Variants in HSD17B12 observed in about 807,000 individuals in gnomAD.
HSD17B12 encodes the protein very-long-chain 3-oxoacyl-CoA reductase.
Under a neutral mutation model 39.3 loss-of-function variants are expected in HSD17B12, and 32 were observed. The ratio of observed to expected loss-of-function variants is 0.81; its 90% confidence interval spans 0.61 to 1.09. The LOEUF is 1.09. HSD17B12 is among the 50% of genes least tolerant of loss of function. The probability of loss-of-function intolerance (pLI) is 0.00; values close to 1 mark genes in which losing one functional copy is unlikely to be tolerated. For missense variants in HSD17B12, 342 were observed against 382.9 expected (o/e 0.89, Z 0.89); for synonymous variants, 150 against 146.7 (o/e 1.02, Z -0.16).
intron 4 of HSD17B12, among the ~76,000 whole-genome samples, chr11:43,807,212 A>G (rs1359799536): frequency 2.6e-5 from 4 of 152,236 alleles, no homozygotes; most frequent in Admixed American, 6.5e-5. Flanking sequence ...TCTGGAAGAT[A>G]GCCATCGAAC....
the HSD17B12 span, among the ~76,000 whole-genome samples, chr11:43,562,142 C>T: frequency 1.3e-5 from 2 of 152,228 alleles, no homozygotes; most frequent in African/African-American, 2.4e-5. Flanking sequence ...TGAGTTGGCT[C>T]ATTTTAAAGC....
At chr11:43,821,860 G>A (rs932886838) in intron 6 of HSD17B12, among the ~76,000 whole-genome samples, 1 of 152,084 alleles carries the variant, frequency 6.6e-6, no homozygotes, top group Non-Finnish European at 1.5e-5. Flanking sequence ...TGCTTTTCTG[G>A]GCCAGATTAT....
the HSD17B12 span, among the ~76,000 whole-genome samples, chr11:43,570,981 C>T: frequency 6.6e-6 from 1 of 152,128 alleles, no homozygotes; most frequent in African/African-American, 2.4e-5. Flanking sequence ...ATATGTTAGT[C>T]CATTATTCCT....
chr11:43,720,390 G>A (rs1950165730), intron 1 of HSD17B12, among the ~76,000 whole-genome samples: 1 of 152,160 alleles, frequency 6.6e-6, no homozygotes, highest in Non-Finnish European at 1.5e-5. Context: ...TGTTAAATTA[G>A]GTAAATATTA....
chr11:43,799,129 C>A (rs1201284507), intron 4 of HSD17B12, among the ~76,000 whole-genome samples: 1 of 151,942 alleles, frequency 6.6e-6, no homozygotes, highest in East Asian at 1.9e-4. Context: ...CACTATTACC[C>A]CCCGAGAAGA....
At chr11:43,706,503 A>G (rs1950016348) in intron 1 of HSD17B12, among the ~76,000 whole-genome samples, 1 of 152,172 alleles carries the variant, frequency 6.6e-6, no homozygotes, top group Non-Finnish European at 1.5e-5. Flanking sequence ...AGATCACATC[A>G]CTGCACTCTA....
the HSD17B12 span, among the ~76,000 whole-genome samples, chr11:43,566,534 C>CT: frequency 2.1e-3 from 305 of 144,856 alleles, 1 homozygote; most frequent in Non-Finnish European, 2.7e-3. Flanking sequence ...TGACCCAGAA[C>CT]TTTTTTTTTT....
intron 1 of HSD17B12, among the ~76,000 whole-genome samples, chr11:43,689,719 T>C (rs996595554): frequency 2.6e-5 from 4 of 151,910 alleles, no homozygotes; most frequent in Admixed American, 2.0e-4. Flanking sequence ...GATAATTTTT[T>C]TGTATTTTTA....
At chr11:43,600,585 G>A in the HSD17B12 span, among the ~76,000 whole-genome samples, 1 of 151,910 alleles carries the variant, frequency 6.6e-6, no homozygotes, top group South Asian at 2.1e-4. Context: ...ATTATATTTT[G>A]GTGTATGAGC....
rs114003469 is a variant in HSD17B12, at chr11:43,738,429, C to T, written c.161-12482C>T. ...TGTGTTGTTCCCCGGAAATCATCAC[C>T]TTTCAAGGACAGCCTCAGAATTCTT... On this transcript the variant is annotated intron_variant, in intron 1 of 10. Transcript: ENST00000278353. Among the ~76,000 whole-genome samples the T allele has an allele frequency of 3.8e-3, 574 of 151,986 alleles. 9 individuals carry two copies. The highest frequency in any genetic ancestry group is 0.013 in the African/African-American group (553 of 41,432).
At chr11:43,704,109 G>A (rs375795289) in intron 1 of HSD17B12, among the ~76,000 whole-genome samples, 2 of 152,158 alleles carry the variant, frequency 1.3e-5, no homozygotes, top group Admixed American at 6.5e-5. Context: ...TATGGGCAAG[G>A]CACCACTAGC....
chr11:43,772,757 C>CT (rs1565083215), intron 3 of HSD17B12, among the ~76,000 whole-genome samples: 1 of 152,222 alleles, frequency 6.6e-6, no homozygotes, highest in Non-Finnish European at 1.5e-5. Flanking sequence ...TATTTCTAAT[C>CT]TTTTTTTGTG....
At chr11:43,725,270 A>G (rs993493741) in intron 1 of HSD17B12, among the ~76,000 whole-genome samples, 6 of 152,206 alleles carry the variant, frequency 3.9e-5, no homozygotes, top group Admixed American at 6.5e-5. Context: ...CATCTCTAAA[A>G]TTGGTATGTA....
the HSD17B12 span, among the ~76,000 whole-genome samples, chr11:43,659,482 G>A: frequency 1.8e-4 from 28 of 152,140 alleles, no homozygotes; most frequent in Non-Finnish European, 3.5e-4. Flanking sequence ...CTTCTGCATC[G>A]CTCACGCTGG....
intron 1 of HSD17B12, among the ~76,000 whole-genome samples, chr11:43,750,384 T>A (rs2134938931): frequency 6.6e-6 from 1 of 152,186 alleles, no homozygotes; most frequent in East Asian, 1.9e-4. Flanking sequence ...GTTCTTTTTT[T>A]ATTTTCTTTT....
At chr11:43,682,832 G>A (rs1051563771) in intron 1 of HSD17B12, among the ~76,000 whole-genome samples, 1 of 151,074 alleles carries the variant, frequency 6.6e-6, no homozygotes, top group South Asian at 2.1e-4. Context: ...CACCCAGGCT[G>A]GAGGGCAGTG....
the HSD17B12 span, among the ~76,000 whole-genome samples, chr11:43,671,474 C>T: frequency 1.3e-5 from 2 of 152,264 alleles, 1 homozygote; most frequent in Admixed American, 1.3e-4. Context: ...AGCCATCGCA[C>T]CTGGCCCCTT....
the HSD17B12 span, among the ~76,000 whole-genome samples, chr11:43,619,910 T>C: frequency 6.6e-6 from 1 of 152,230 alleles, no homozygotes; most frequent in African/African-American, 2.4e-5. Flanking sequence ...GCTGCATTTT[T>C]CCTGTACTAG....
intron 5 of HSD17B12, 64 bp downstream of exon 5, chr11:43,815,565 C>T: frequency 1.1e-6 from 1 of 950,356 alleles, no homozygotes; most frequent in South Asian, 1.8e-5. Flanking sequence ...TATAATGATT[C>T]ACACTATGAC....
Sources: allele counts gnomAD v4.1 joint callset (sites outside exome capture counted in the v4.1 genomes callset), GRCh38; gene constraint gnomAD v4.1.1; transcripts MANE v1.5; gene names NCBI Gene and HGNC (gene_info 2026-07-23, HGNC 2026-07-21).